Variants in DDX20 observed in about 807,000 individuals in gnomAD.
The protein encoded by DDX20 is DEAD-box helicase 20, also known as probable ATP-dependent RNA helicase DDX20.
Under a neutral mutation model 76.4 loss-of-function variants are expected in DDX20, and 61 were observed. The ratio of observed to expected loss-of-function variants is 0.80; its 90% CI spans 0.65 to 0.99. The LOEUF is 0.99. DDX20 is among the 50% of genes least tolerant of loss of function. The pLI, the probability that DDX20 is intolerant of heterozygous loss-of-function variation, is 0.00. For missense variants in DDX20, 976 were observed against 996.8 expected (o/e 0.98, Z 0.28); for synonymous variants, 357 against 357.4 (o/e 1.00, Z 0.01).
rs1249578818 is a variant in DDX20 at position 111,762,935 on chromosome 1, T to G, written c.1240T>G (p.Cys414Gly). Residue 414 changes from cysteine to glycine, a missense_variant, in exon 10 of 11, where the codon TGC becomes GGC. By Grantham distance (159) the Cys-to-Gly change is radical (BLOSUM62 -3). Coordinates refer to ENST00000369702, the MANE Select transcript of DDX20 (RefSeq NM_007204.5). ...GTLGLTVTYCCRGEEENMMMR... is the reference protein window; with the variant it reads ...GTLGLTVTYCGRGEEENMMMR... ...ATTGGGGCTGACAGTGACCTACTGT[T>G]GCCGGGGAGAGGAAGAAAATATGAT... 1 of 1,614,116 alleles carries G rather than the reference T, an allele frequency of 6.2e-7. No individual in the cohort carries two copies. The highest frequency in any genetic ancestry group is 1.7e-5 in the Admixed American group (1 of 60,024).
Position 111,766,292 on chromosome 1 carries a change from CTG to C in DDX20, c.1871_1872del (p.Val624GlufsTer10), listed in dbSNP as rs761039850. On this transcript the variant is annotated frameshift_variant, in exon 11 of 11. Coordinates refer to ENST00000369702, the MANE Select transcript of DDX20 (RefSeq NM_007204.5). LOFTEE classifies it high-confidence loss of function. ...CACTACACAGGCCCTGGGGATCAGA[CTG>C]TGAATCCTCAAAATGGTTTTGTGAG... 127 of 1,614,056 alleles carry C rather than the reference CTG, an allele frequency of 7.9e-5. No individual in the cohort carries two copies. The highest frequency in any genetic ancestry group is 1.0e-4 in the Non-Finnish European group (121 of 1,180,040).
chr1:111,758,407 A>G (rs980268965), intron 2 of DDX20, among the ~76,000 whole-genome samples: 2 of 149,382 alleles, frequency 1.3e-5, no homozygotes, highest in Non-Finnish European at 3.0e-5. Context: ...TTAAGAGCAC[A>G]AAGTTTTGTT....
rs1227607974 is a variant in DDX20 at position 111,761,172 on chromosome 1, A to T, written c.962+47A>T. ...TCTGGGGAACTTGTGAAATAAAAGG[A>T]TAGTCATGGGGCAATATTTGTAAAT... On this transcript the variant is annotated intron_variant, in intron 6 of 10. Transcript: ENST00000369702. The T allele has an allele frequency of 4.3e-6, 7 of 1,611,814 alleles. No individual in the cohort carries two copies. In the South Asian group the frequency reaches 7.7e-5, roughly 18 times the overall value.
At chr1:111,765,365 A>G (rs893143337) in intron 10 of DDX20, among the ~76,000 whole-genome samples, 2 of 152,114 alleles carry the variant, frequency 1.3e-5, no homozygotes, top group Non-Finnish European at 2.9e-5. Flanking sequence ...AGCACAATCC[A>G]TTTTCTAATA....
intron 7 of DDX20, 116 bp downstream of exon 7, chr1:111,761,400 C>T (rs1663672804): frequency 3.9e-6 from 3 of 776,274 alleles, no homozygotes; most frequent in East Asian, 5.3e-5. Flanking sequence ...TATCTTGTAT[C>T]TTTTAGAGTA....
Position 111,755,915 on chromosome 1 carries a change from C to A in DDX20, c.-10C>A, listed in dbSNP as rs1663532745. Reference sequence around the variant, plus strand: ...CCTTAAGCACCGCGAGATCTGACGGCGCGGCTACCATGGCGGCGGCATTTG... The same window carrying A: ...CCTTAAGCACCGCGAGATCTGACGGAGCGGCTACCATGGCGGCGGCATTTG... On this transcript the variant is annotated 5_prime_UTR_variant, in exon 1 of 11. Coordinates refer to ENST00000369702, the MANE Select transcript of DDX20 (RefSeq NM_007204.5). 1 of 1,565,652 alleles carries A rather than the reference C, an allele frequency of 6.4e-7. No homozygotes were observed.
At position 111,760,700 on chromosome 1, in the gene DDX20, T is replaced by C; in HGVS notation, c.681-6T>C. 1 of 1,606,918 alleles carries C rather than the reference T, an allele frequency of 6.2e-7. No homozygotes were observed. Among genetic ancestry groups the C allele is most frequent in the Non-Finnish European group, 8.5e-7 (1 of 1,177,648 alleles). On this transcript the variant is annotated splice_region_variant and splice_polypyrimidine_tract_variant and intron_variant, in intron 4 of 10. Coordinates refer to ENST00000369702, the MANE Select transcript of DDX20 (RefSeq NM_007204.5). Reference sequence around the variant, plus strand: ...AATTTACATGGTATCTGTTTTTATTTTGCAGTTGGATTTATTCTTCCTTGC... The same window carrying C: ...AATTTACATGGTATCTGTTTTTATTCTGCAGTTGGATTTATTCTTCCTTGC...
At position 111,765,747 on chromosome 1, in the gene DDX20, T is replaced by G. The variant is rs1663764639; in HGVS notation, c.1323T>G (p.Pro441=). The change falls in exon 11 of 11, where the codon CCT becomes CCG. Residue 441 remains proline, a synonymous_variant. Coordinates refer to ENST00000369702, the MANE Select transcript of DDX20 (RefSeq NM_007204.5). The part of the protein sequence containing the change: ...INLLPLPDPI[P]SGLMEECVDW... ...TTCCTTTTTATGTAGATCCCATTCC[T>G]TCTGGTCTGATGGAAGAATGTGTGG... 6.3e-7 allele frequency: 1 copy of G among 1,595,202 alleles called. No individual in the cohort carries two copies. Among genetic ancestry groups the G allele is most frequent in the Non-Finnish European group, 8.5e-7 (1 of 1,173,534 alleles).
Position 111,759,520 on chromosome 1 carries a change from C to T in DDX20, c.517C>T (p.Gln173Ter), listed in dbSNP as rs1663628089. The change falls in exon 3 of 11, where the codon CAA becomes TAA. Residue 173 changes from glutamine (Q) to a stop codon, truncating the protein, a stop_gained. Transcript: ENST00000369702. LOFTEE classifies it high-confidence loss of function. ...HVFIGGTPLSQDKTRLKKCHI... is the reference protein window; with the variant it reads ...HVFIGGTPLS ...CTTTATTGGAGGGACCCCATTATCA[C>T]AAGACAAAACCAGACTTAAAAAGTG... 6.2e-7 allele frequency: 1 copy of T among 1,613,776 alleles called. No individual in the cohort carries two copies. The highest frequency in any genetic ancestry group is 1.7e-5 in the Admixed American group (1 of 59,972).
chr1:111,757,946 C>T (rs1663594245), intron 2 of DDX20, among the ~76,000 whole-genome samples: 1 of 152,168 alleles, frequency 6.6e-6, no homozygotes, highest in Non-Finnish European at 1.5e-5. Context: ...CCTCTGCCTC[C>T]CAGGTTCAAG....
Position 111,766,973 on chromosome 1 carries a change from T to C in DDX20, c.*74T>C, listed in dbSNP as rs533544313. ...TTGGATATCCATCCTCCTCGACTTA[T>C]AGTACAGTGGTGTATAGTGGCATTT... On this transcript the variant is annotated 3_prime_UTR_variant, in exon 11 of 11. Coordinates refer to ENST00000369702, the MANE Select transcript of DDX20 (RefSeq NM_007204.5). The C allele has an allele frequency of 4.9e-5, 60 of 1,220,046 alleles. No individual in the cohort carries two copies. The highest frequency in any genetic ancestry group is 5.8e-5 in the Non-Finnish European group (50 of 859,082). 75.6% of individuals were successfully genotyped at this position (1,220,046 alleles called of 1,614,324 possible). A position where few individuals can be genotyped will look rare whatever the true frequency, so the allele number is the denominator to read the frequency against.
In DDX20 at chr1:111,762,989, A is replaced by G. The variant is rs762953946; in HGVS notation, c.1294A>G (p.Asn432Asp). Residue 432 changes from asparagine to aspartate, a missense_variant, in exon 10 of 11, where the codon AAC becomes GAC. Asn to Asp is a conservative substitution (Grantham distance 23). This residue lies in a region of DDX20 where 630 missense variants were observed against 693.7 expected (regional missense o/e 0.91). Coordinates refer to ENST00000369702, the MANE Select transcript of DDX20 (RefSeq NM_007204.5). The stretch of plus-strand genomic sequence containing the variant: ...GAGAATTGCCCAGAAATGTAATATC[A>G]ACCTTCTCCCTTTACCAGGTACATT... ...MMRIAQKCNI[N>D]LLPLPDPIPS... The G allele has an allele frequency of 5.0e-6, 8 of 1,612,712 alleles. No individual in the cohort carries two copies. In the Admixed American group the frequency reaches 1.3e-4, roughly 27 times the overall value.
chr1:111,760,016 A>G (rs1663640477), intron 3 of DDX20, among the ~76,000 whole-genome samples: 1 of 151,114 alleles, frequency 6.6e-6, no homozygotes, highest in Non-Finnish European at 1.5e-5. Flanking sequence ...GCATTAGACC[A>G]GTGAGATTTA....
chr1:111,763,022 T>C lies in DDX20; in HGVS notation c.1312+15T>C. On this transcript the variant is annotated intron_variant, in intron 10 of 10. Coordinates refer to ENST00000369702, the MANE Select transcript of DDX20 (RefSeq NM_007204.5). ...CCCTTTACCAGGTACATTTCATCTGTTTCATTATTTCAAAATAATTATAGT... is the reference window on the plus strand; with the variant it reads ...CCCTTTACCAGGTACATTTCATCTGCTTCATTATTTCAAAATAATTATAGT... 6.4e-7 allele frequency: 1 copy of C among 1,562,222 alleles called. No homozygotes were observed. The highest frequency in any genetic ancestry group is 2.2e-5 in the East Asian group (1 of 44,558).
rs1429031151 is a variant in DDX20 at position 111,766,361 on chromosome 1, G to A, written c.1937G>A (p.Ser646Asn). 1 of 1,614,054 alleles carries A rather than the reference G, an allele frequency of 6.2e-7. No homozygotes were observed. The highest frequency in any genetic ancestry group is 8.5e-7 in the Non-Finnish European group (1 of 1,180,022). ...CAGAGAGTCCCTGTGTTGGCAAGTA[G>A]TAGCCAATCTGGAGACTCTGAGAGT... The part of the protein sequence containing the change: ...IEQRVPVLAS[S>N]SQSGDSESDS... Residue 646 changes from serine to asparagine, a missense_variant, in exon 11 of 11, where the codon AGT becomes AAT. Around this residue, in one of 3 missense-constraint regions of DDX20, gnomAD observed 630 missense variants for 693.7 expected, o/e 0.91. Transcript: ENST00000369702.
chr1:111,765,308 T>C (rs577072900), intron 10 of DDX20, among the ~76,000 whole-genome samples: 1 of 152,234 alleles, frequency 6.6e-6, no homozygotes, highest in Non-Finnish European at 1.5e-5. Flanking sequence ...TTTAGTTGGG[T>C]GTACAGAGTT....
intron 8 of DDX20, 55 bp downstream of exon 8, chr1:111,762,392 T>C: frequency 1.5e-6 from 2 of 1,348,616 alleles, no homozygotes; most frequent in Non-Finnish European, 2.1e-6. Context: ...TGTTCTATTA[T>C]CAGATGTACA....
intron 3 of DDX20, 70 bp from the exon 4 acceptor site, chr1:111,760,404 T>G: frequency 9.3e-7 from 1 of 1,072,884 alleles, no homozygotes; most frequent in Non-Finnish European, 1.4e-6. Flanking sequence ...ATAAGTAGAG[T>G]AACAATATTG....
chr1:111,764,993 A>G (rs197409), intron 10 of DDX20, among the ~76,000 whole-genome samples: 28,888 of 152,192 alleles, frequency 0.19, 3,769 homozygotes, highest in African/African-American at 0.37. Context: ...TATAGATAAC[A>G]TGGAGCATAA....
Sources: allele counts gnomAD v4.1 joint callset (sites outside exome capture counted in the v4.1 genomes callset), GRCh38; gene constraint gnomAD v4.1.1; regional missense constraint gnomAD v4.1.1; transcripts MANE v1.5; gene names NCBI Gene and HGNC (gene_info 2026-07-23, HGNC 2026-07-21).